The following BLTP3B variants were observed in gnomAD, a reference collection of about 807,000 sequenced individuals.
The protein encoded by BLTP3B is bridge-like lipid transfer protein family member 3B.
At chr12:100,118,994 C>T in the BLTP3B span, among the ~76,000 whole-genome samples, 4 of 151,896 alleles carry the variant, frequency 2.6e-5, no homozygotes, top group Admixed American at 6.6e-5. Flanking sequence ...CCCAGCTACT[C>T]GGGAGGCTGA....
chr12:100,128,738 G>A, the BLTP3B span: 44 of 1,281,294 alleles, frequency 3.4e-5, no homozygotes, highest in Non-Finnish European at 4.4e-5. Context: ...GCAGGGAATG[G>A]GTACACAGGG....
chr12:100,108,354 C>G, the BLTP3B span: 1 of 1,587,236 alleles, frequency 6.3e-7, no homozygotes, highest in Non-Finnish European at 8.5e-7. Flanking sequence ...AGGCCTTCCA[C>G]AAATATCAAG....
chr12:100,141,409 ATATG>A, the BLTP3B span, among the ~76,000 whole-genome samples: 1 of 145,902 alleles, frequency 6.9e-6, no homozygotes, highest in Non-Finnish European at 1.5e-5. Context: ...ATATGTGTAT[ATATG>A]TATATGTATA....
At chr12:100,048,366 G>A in the BLTP3B span, among the ~76,000 whole-genome samples, 2 of 151,928 alleles carry the variant, frequency 1.3e-5, no homozygotes, top group South Asian at 2.1e-4. Flanking sequence ...AATATTTTAT[G>A]GCAACTTTCT....
At chr12:100,132,285 C>A in the BLTP3B span, among the ~76,000 whole-genome samples, 1 of 152,156 alleles carries the variant, frequency 6.6e-6, no homozygotes, top group African/African-American at 2.4e-5. Flanking sequence ...CCGCTAGAGT[C>A]TCAATATGGT....
the BLTP3B span, among the ~76,000 whole-genome samples, chr12:100,112,126 G>A: frequency 6.6e-6 from 1 of 152,104 alleles, no homozygotes; most frequent in Non-Finnish European, 1.5e-5. Context: ...AAAAGTTCAA[G>A]GGAAACCAAA....
At chr12:100,061,322 T>C in the BLTP3B span, among the ~76,000 whole-genome samples, 1 of 152,124 alleles carries the variant, frequency 6.6e-6, no homozygotes, top group Non-Finnish European at 1.5e-5. Flanking sequence ...CGATAGCAGA[T>C]GTGGGACTGA....
chr12:100,137,067 TC>T, the BLTP3B span, among the ~76,000 whole-genome samples: 1 of 152,198 alleles, frequency 6.6e-6, no homozygotes, highest in Non-Finnish European at 1.5e-5. Flanking sequence ...CGCCTCAGCC[TC>T]CCAAAGTGGT....
At chr12:100,109,873 A>C in the BLTP3B span, among the ~76,000 whole-genome samples, 1 of 152,242 alleles carries the variant, frequency 6.6e-6, no homozygotes, top group South Asian at 2.1e-4. Flanking sequence ...TATTTCATTT[A>C]GTTCCCATGA....
the BLTP3B span, among the ~76,000 whole-genome samples, chr12:100,080,783 T>C: frequency 7.5e-6 from 1 of 134,226 alleles, no homozygotes; most frequent in Non-Finnish European, 1.7e-5. Flanking sequence ...GAATGCATGA[T>C]TGGTTTAGAA....
chr12:100,051,137 G>C, the BLTP3B span: 2 of 1,613,988 alleles, frequency 1.2e-6, no homozygotes, highest in African/African-American at 2.7e-5. Flanking sequence ...ATCTGGAGAA[G>C]TTTCACCATA....
chr12:100,120,805 G>C, the BLTP3B span, among the ~76,000 whole-genome samples: 1 of 152,152 alleles, frequency 6.6e-6, no homozygotes, highest in East Asian at 1.9e-4. Context: ...GAGAGAGAGA[G>C]AGAGAGAGAA....
At chr12:100,087,180 A>G in the BLTP3B span, among the ~76,000 whole-genome samples, 2 of 150,502 alleles carry the variant, frequency 1.3e-5, no homozygotes, top group Non-Finnish European at 1.5e-5. Context: ...AAAAAAAAAA[A>G]GGGAAATTAT....
At chr12:100,095,921 GT>G in the BLTP3B span, 1 of 1,214,356 alleles carries the variant, frequency 8.2e-7, no homozygotes, top group Admixed American at 3.3e-5. Flanking sequence ...TTTTCAAAAC[GT>G]TTTTGAATAG....
the BLTP3B span, among the ~76,000 whole-genome samples, chr12:100,089,306 C>T: frequency 6.6e-6 from 1 of 152,116 alleles, no homozygotes; most frequent in African/African-American, 2.4e-5. Context: ...TGCCTGTAAT[C>T]ACAACACTTT....
chr12:100,079,137 G>A, the BLTP3B span, among the ~76,000 whole-genome samples: 1 of 152,160 alleles, frequency 6.6e-6, no homozygotes, highest in Non-Finnish European at 1.5e-5. Context: ...TGTGAAAACC[G>A]ACTAATACAG....
At chr12:100,050,990 A>G in the BLTP3B span, 1 of 1,536,518 alleles carries the variant, frequency 6.5e-7, no homozygotes. Context: ...TTCATTTTAT[A>G]TATGAATGTC....
the BLTP3B span, among the ~76,000 whole-genome samples, chr12:100,124,974 A>ATATATT: frequency 6.8e-3 from 678 of 100,108 alleles, 7 homozygotes; most frequent in African/African-American, 0.019. Flanking sequence ...ATATATATAT[A>ATATATT]TATATTTATA....
At chr12:100,097,416 A>G in the BLTP3B span, 2 of 1,613,478 alleles carry the variant, frequency 1.2e-6, no homozygotes, top group Non-Finnish European at 8.5e-7. Flanking sequence ...TTAATCGAAC[A>G]GGAGCACACA....
Sources: allele counts gnomAD v4.1 joint callset (sites outside exome capture counted in the v4.1 genomes callset), GRCh38; gene constraint gnomAD v4.1.1; transcripts MANE v1.5; gene names NCBI Gene and HGNC (gene_info 2026-07-23, HGNC 2026-07-21).